The following GTF3C4 variants were observed in gnomAD, a reference collection of about 807,000 sequenced individuals.
GTF3C4 encodes general transcription factor IIIC subunit 4.
GTF3C4 carries 28 observed loss-of-function variants against 67.5 expected under a neutral mutation model. That is an observed-to-expected ratio of 0.41 (90% confidence interval 0.31 to 0.57). GTF3C4 has a LOEUF of 0.57. Ranked by LOEUF, GTF3C4 falls within the 20% of genes least tolerant of loss-of-function variation. The probability of loss-of-function intolerance (pLI) is 0.21; values close to 1 mark genes in which losing one functional copy is unlikely to be tolerated. For synonymous variants in GTF3C4, 409 were observed against 393.0 expected, an observed-to-expected ratio of 1.04 and a Z score of -0.48; for missense variants, 831 against 1,033.2, an observed-to-expected ratio of 0.80 and a Z score of 2.68.
rs1835897865 is a variant in GTF3C4 at position 132,678,636 on chromosome 9, C to T, written c.1017C>T (p.Pro339=). The T allele has an allele frequency of 6.2e-7, 1 of 1,613,864 alleles. No individual in the cohort carries two copies. Among genetic ancestry groups the T allele is most frequent in the South Asian group, 1.1e-5 (1 of 91,088 alleles). Residue 339 remains proline (P), a synonymous_variant, in exon 2 of 5, where the codon CCC becomes CCT. Transcript: ENST00000372146. This position sits in a 1 kb window ranked among gnomAD's most constrained non-coding sequence, Gnocchi z 6.5. ...TTATTGTGGGGAGTGCTTTTGGACC[C>T]ATAAAAATTCTTCCTGTCAATCTCA... ...SGLIVGSAFG[P]IKILPVNLKA...
chr9:132,683,720 C>G, intron 3 of GTF3C4, 27 bp downstream of exon 3: 1 of 1,591,444 alleles, frequency 6.3e-7, no homozygotes, highest in Non-Finnish European at 8.5e-7. Context: ...GTTTCTACTT[C>G]TGCTCATTTT....
intron 1 of GTF3C4, among the ~76,000 whole-genome samples, chr9:132,676,322 A>G (rs1169658905): frequency 8.2e-6 from 1 of 122,416 alleles, no homozygotes; most frequent in South Asian, 2.6e-4. Flanking sequence ...CATTTGGGGG[A>G]TTTTTTTTTT....
intron 2 of GTF3C4, among the ~76,000 whole-genome samples, chr9:132,681,848 G>A (rs1835949728): frequency 6.6e-6 from 1 of 151,896 alleles, no homozygotes; most frequent in Admixed American, 6.6e-5. Flanking sequence ...TCTGGGCCGG[G>A]CACAGTGGTC....
At chr9:132,670,322 A>G (rs1672531531), upstream of GTF3C4, 2 of 1,476,580 alleles carry the variant, frequency 1.4e-6, no homozygotes, top group African/African-American at 1.5e-5. Flanking sequence ...CTGTCTGGGT[A>G]GCTCCCTAAC....
chr9:132,681,741 T>C (rs552648789), intron 2 of GTF3C4, among the ~76,000 whole-genome samples: 21 of 152,140 alleles, frequency 1.4e-4, no homozygotes, highest in Non-Finnish European at 2.9e-4. Context: ...CCATTGAGAA[T>C]GTGTGAGTCA....
intron 3 of GTF3C4, among the ~76,000 whole-genome samples, chr9:132,686,979 A>T (rs1836039771): frequency 6.6e-6 from 1 of 152,212 alleles, no homozygotes; most frequent in South Asian, 2.1e-4. Flanking sequence ...TGGACAGACT[A>T]AATTCTTTTC....
chr9:132,682,374 A>G (rs1316000279), intron 2 of GTF3C4, among the ~76,000 whole-genome samples: 1 of 152,154 alleles, frequency 6.6e-6, no homozygotes, highest in Non-Finnish European at 1.5e-5. Context: ...ACGTAAGTGA[A>G]CTAATTTTAG....
chr9:132,678,351 C>T lies in GTF3C4; in HGVS notation c.732C>T (p.Ser244=). ...GDFAEFQRRH[S]MQTPVRMEWS... ...TTGCTGAGTTTCAGAGGAGACACAG[C>T]ATGCAGACCCCAGTCAGAATGGAGT... The change falls in exon 2 of 5, where the codon AGC becomes AGT. Residue 244 remains serine (S), a synonymous_variant. Transcript: ENST00000372146. This position sits in a 1 kb window ranked among gnomAD's most constrained non-coding sequence, Gnocchi z 6.5. 3 of 1,614,206 alleles carry T rather than the reference C, an allele frequency of 1.9e-6. No homozygotes were observed. The highest frequency in any genetic ancestry group is 2.5e-6 in the Non-Finnish European group (3 of 1,180,040).
chr9:132,671,701 C>T (rs893620002), intron 1 of GTF3C4, among the ~76,000 whole-genome samples: 22 of 136,842 alleles, frequency 1.6e-4, no homozygotes, highest in African/African-American at 6.1e-4. Context: ...TAGAGGTGTA[C>T]GCTTACATGT....
At chr9:132,683,793 T>C (rs951653952) in intron 3 of GTF3C4, 100 bp downstream of exon 3, 2 of 1,135,414 alleles carry the variant, frequency 1.8e-6, no homozygotes, top group Non-Finnish European at 2.5e-6. Flanking sequence ...CAGTTATCTG[T>C]TGCCCTTGCC....
chr9:132,679,086 GGCCATCATC>G lies in GTF3C4; in HGVS notation c.1468_1476del (p.Ala490_Ile492del). On this transcript the variant is annotated inframe_deletion, in exon 2 of 5. Transcript: ENST00000372146. This position sits in a 1 kb window ranked among gnomAD's most constrained non-coding sequence, Gnocchi z 5.9. Reference sequence around the variant, plus strand: ...CAGTGAGCCCCTGCGGTGCATACCTGGCCATCATCACCACTGAGGGCATGATCAACGGCC... The same window carrying G: ...CAGTGAGCCCCTGCGGTGCATACCTGACCACTGAGGGCATGATCAACGGCC... 1 of 1,614,096 alleles carries G rather than the reference GGCCATCATC, an allele frequency of 6.2e-7. No homozygotes were observed. Among genetic ancestry groups the G allele is most frequent in the East Asian group, 2.2e-5 (1 of 44,882 alleles).
In GTF3C4 at chr9:132,691,011, TTGTA is replaced by T. The variant is rs1444810940; in HGVS notation, c.*2070_*2073del. ...ACTAGAGAGGATCTCCCAAATTTTT[TTGTA>T]TGTCTCTCTAGGAGTAAACATGGCA... On this transcript the variant is annotated 3_prime_UTR_variant, in exon 5 of 5. Transcript: ENST00000372146. 1.3e-5 allele frequency: 2 copies of T among 152,206 alleles called. No homozygotes were observed. Among genetic ancestry groups the T allele is most frequent in the Non-Finnish European group, 2.9e-5 (2 of 68,040 alleles). The allele number at this position is 152,206 out of a possible 1,614,324, so 9.4% of individuals were successfully genotyped here.
In GTF3C4 at chr9:132,679,191, G is replaced by C. The variant is rs1206604536; in HGVS notation, c.1572G>C (p.Gln524His). 1.9e-6 allele frequency: 3 copies of C among 1,614,160 alleles called. No individual in the cohort carries two copies. Among genetic ancestry groups the C allele is most frequent in the Admixed American group, 1.7e-5 (1 of 60,034 alleles). The change falls in exon 2 of 5, where the codon CAG becomes CAC. Residue 524 changes from glutamine to histidine, a missense_variant. Transcript: ENST00000372146. The surrounding 1 kb of genome is among the most constrained non-coding windows in gnomAD (Gnocchi z 5.9). ...AAACCTTTGAAGAGGCAGCTGCTCA[G>C]CTCCTGGAATCTTCAGTTCAAAACC... ...TLKTFEEAAA[Q>H]LLESSVQNLF... is the part of the protein sequence containing the mutation.
chr9:132,681,340 A>G (rs1835941032), intron 2 of GTF3C4, among the ~76,000 whole-genome samples: 1 of 152,212 alleles, frequency 6.6e-6, no homozygotes, highest in South Asian at 2.1e-4. Flanking sequence ...CAACATAGCC[A>G]TTTTAAAAAC....
chr9:132,672,891 TATA>T (rs1174824439), intron 1 of GTF3C4, among the ~76,000 whole-genome samples: 2 of 152,042 alleles, frequency 1.3e-5, no homozygotes, highest in Non-Finnish European at 2.9e-5. Context: ...AAGGTGAAAA[TATA>T]ATGAGTTGGG....
intron 2 of GTF3C4, among the ~76,000 whole-genome samples, chr9:132,681,665 A>G (rs1284737701): frequency 6.6e-6 from 1 of 152,120 alleles, no homozygotes; most frequent in Non-Finnish European, 1.5e-5. Context: ...TCTATGTTTT[A>G]TACGTAAAAG....
In GTF3C4 at chr9:132,692,149, C is replaced by T. The variant is rs1254333182; in HGVS notation, c.*3204C>T. The T allele has an allele frequency of 3.3e-5, 5 of 152,188 alleles. No individual in the cohort carries two copies. Among genetic ancestry groups the T allele is most frequent in the African/African-American group, 4.8e-5 (2 of 41,456 alleles). The allele number at this position is 152,188 out of a possible 1,614,324, so 9.4% of individuals were successfully genotyped here. On this transcript the variant is annotated 3_prime_UTR_variant, in exon 5 of 5. Coordinates refer to ENST00000372146, the MANE Select transcript of GTF3C4 (RefSeq NM_012204.4). Reference sequence around the variant, plus strand: ...TTTCCATCGTTTCTGCTCCTGACCTCTCTCTCTTGCCTTTCCTTCCCCCAG... The same window carrying T: ...TTTCCATCGTTTCTGCTCCTGACCTTTCTCTCTTGCCTTTCCTTCCCCCAG...
In GTF3C4 at chr9:132,693,604, T is replaced by C. The variant is rs1409507689; in HGVS notation, c.*4659T>C. ...GAACTCTAAATCTTATGCTTATTTT[T>C]AAAGTAAAAAGTTGCCTCACTGTCA... On this transcript the variant is annotated 3_prime_UTR_variant, in exon 5 of 5. Transcript: ENST00000372146. 2.0e-5 allele frequency: 3 copies of C among 152,204 alleles called. No individual in the cohort carries two copies. In the East Asian group the frequency reaches 5.8e-4, roughly 29 times the overall value. 9.4% of individuals were successfully genotyped at this position (152,204 alleles called of 1,614,324 possible).
chr9:132,682,531 T>A (rs527565021), intron 2 of GTF3C4, among the ~76,000 whole-genome samples: 1,515 of 139,664 alleles, frequency 0.011, 13 homozygotes, highest in Non-Finnish European at 0.014. Flanking sequence ...AGTGAAGTTT[T>A]AAAAAAAAAA....
Sources: gnomAD v4.1 joint callset for allele counts (sites outside exome capture counted in the v4.1 genomes callset) on GRCh38, gnomAD v4.1.1 for gene constraint, Gnocchi (gnomAD v3.1) non-coding constraint, MANE v1.5 for transcripts, NCBI Gene and HGNC (gene_info 2026-07-23, HGNC 2026-07-21) for gene names.